ZBTB20: variants seen among roughly 807,000 people sequenced by gnomAD.
ZBTB20 encodes the protein zinc finger and BTB domain containing 20.
ZBTB20 carries 9 observed loss-of-function variants against 56.9 expected under a neutral mutation model. That is an observed-to-expected ratio of 0.16 (90% CI 0.10 to 0.28). The LOEUF is 0.28. Ranked by LOEUF, ZBTB20 falls within the 10% of genes least tolerant of loss-of-function variation. The pLI is 1.00. For synonymous variants in ZBTB20, 417 were observed against 420.7 expected (o/e 0.99, Z 0.11); for missense variants, 655 against 1,003.0 (o/e 0.65, Z 4.69).
At chr3:115,074,765 A>G (rs2082534909) in intron 1 of ZBTB20, among the ~76,000 whole-genome samples, 1 of 152,112 alleles carries the variant, frequency 6.6e-6, no homozygotes, top group Non-Finnish European at 1.5e-5. Context: ...GTAGAATCCT[A>G]ACAGAGATTG....
chr3:114,452,550 G>A (rs1284471898), intron 7 of ZBTB20, among the ~76,000 whole-genome samples: 2 of 152,106 alleles, frequency 1.3e-5, no homozygotes, highest in African/African-American at 4.8e-5. Context: ...TTGTTATCAA[G>A]TTACTTCAAA....
At chr3:114,716,032 A>G (rs1389490511) in intron 5 of ZBTB20, among the ~76,000 whole-genome samples, 1 of 152,172 alleles carries the variant, frequency 6.6e-6, no homozygotes, top group Non-Finnish European at 1.5e-5. Flanking sequence ...CTGATAAACA[A>G]TTATGCTGTA....
intron 6 of ZBTB20, among the ~76,000 whole-genome samples, chr3:114,673,120 A>C (rs527526858): frequency 1.3e-5 from 2 of 152,274 alleles, no homozygotes; most frequent in South Asian, 4.1e-4. Flanking sequence ...TGCTCTCAAT[A>C]GTATCATTTT....
intron 4 of ZBTB20, among the ~76,000 whole-genome samples, chr3:114,821,093 A>C (rs1009251317): frequency 6.6e-6 from 1 of 152,142 alleles, no homozygotes. Context: ...GCGAATAACA[A>C]TGGATGGAAC....
chr3:114,574,935 T>C (rs1305267942), intron 6 of ZBTB20, among the ~76,000 whole-genome samples: 1 of 152,212 alleles, frequency 6.6e-6, no homozygotes, highest in African/African-American at 2.4e-5. Flanking sequence ...ACTTACGTTT[T>C]TATAAGTGGG....
intron 4 of ZBTB20, among the ~76,000 whole-genome samples, chr3:114,839,209 T>C (rs146810643): frequency 6.6e-6 from 1 of 152,160 alleles, no homozygotes; most frequent in African/African-American, 2.4e-5. Context: ...AAGACCAGCT[T>C]TGGCAATGTG....
In ZBTB20 at chr3:114,627,772, G is replaced by A. The variant is rs193158636; in HGVS notation, c.-295+65756C>T. Among the ~76,000 whole-genome samples the A allele has an allele frequency of 2.3e-3, 351 of 152,304 alleles. 1 individual carries two copies. Among genetic ancestry groups the A allele is most frequent in the African/African-American group, 7.3e-3 (303 of 41,576 alleles). On this transcript the variant is annotated intron_variant, in intron 6 of 11. Coordinates refer to ENST00000675478, the MANE Select transcript of ZBTB20 (RefSeq NM_001348800.3). ...ACAACCTTGACCAACAAGTCACAAT[G>A]ACAAATCATCCGTTTCCTCTTTTCT...
chr3:114,987,315 A>G (rs2078590309), intron 2 of ZBTB20, among the ~76,000 whole-genome samples: 1 of 152,122 alleles, frequency 6.6e-6, no homozygotes, highest in South Asian at 2.1e-4. Flanking sequence ...TTGAGGTCAT[A>G]AAATGCTTGA....
At chr3:114,352,017 C>T (rs777819801) in intron 10 of ZBTB20, 139 bp from the exon 11 acceptor site, 98 of 1,063,958 alleles carry the variant, frequency 9.2e-5, no homozygotes, top group Non-Finnish European at 1.2e-4. Flanking sequence ...GGGAGATGGA[C>T]AGGCTGCGGC....
chr3:114,663,397 A>C (rs1201624225), intron 6 of ZBTB20, among the ~76,000 whole-genome samples: 1 of 149,710 alleles, frequency 6.7e-6, no homozygotes, highest in African/African-American at 2.4e-5. Flanking sequence ...AGCGCTAAAC[A>C]TGGAAAGGAA....
At chr3:114,933,054 C>A (rs547665701) in intron 3 of ZBTB20, among the ~76,000 whole-genome samples, 2 of 152,130 alleles carry the variant, frequency 1.3e-5, no homozygotes, top group African/African-American at 4.8e-5. Context: ...CAGACCCCAG[C>A]CATTCTATAC....
chr3:114,472,601 C>T (rs540450257), intron 7 of ZBTB20, among the ~76,000 whole-genome samples: 91 of 151,964 alleles, frequency 6.0e-4, no homozygotes, highest in Non-Finnish European at 8.1e-4. Flanking sequence ...CTAGCTGCTT[C>T]GGAGGCTGAG....
At chr3:115,105,102 G>A (rs990990582) in intron 1 of ZBTB20, among the ~76,000 whole-genome samples, 3 of 152,080 alleles carry the variant, frequency 2.0e-5, no homozygotes, top group Non-Finnish European at 4.4e-5. Context: ...GCGTACCCTC[G>A]TCAAGTCATG....
intron 4 of ZBTB20, among the ~76,000 whole-genome samples, chr3:114,838,665 A>G (rs2074235074): frequency 6.6e-6 from 1 of 152,226 alleles, no homozygotes; most frequent in African/African-American, 2.4e-5. Context: ...ATGAAATCCT[A>G]GAATAGTAAT....
rs2078968620 is a variant in ZBTB20, at chr3:114,323,577, T to A, written c.*15428A>T. 6.6e-6 allele frequency: 1 copy of A among 152,248 alleles called. No individual in the cohort carries two copies. Among genetic ancestry groups the A allele is most frequent in the Non-Finnish European group, 1.5e-5 (1 of 68,052 alleles). 9.4% of individuals were successfully genotyped at this position (152,248 alleles called of 1,614,324 possible). ...AAATGTGCACAAGCAAGGGGCTTTG[T>A]GGAGGAGGCCAAGGCAAAGACTTCT... On this transcript the variant is annotated 3_prime_UTR_variant, in exon 12 of 12. Coordinates refer to ENST00000675478, the MANE Select transcript of ZBTB20 (RefSeq NM_001348800.3).
rs2065944950 is a variant in ZBTB20 at position 114,733,973 on chromosome 3, A to G, written c.-342-40398T>C. Among the ~76,000 whole-genome samples, 3 of 152,254 alleles carry G rather than the reference A, an allele frequency of 2.0e-5. No homozygotes were observed. In the South Asian group the frequency reaches 6.2e-4, roughly 32 times the overall value. On this transcript the variant is annotated intron_variant, in intron 5 of 11. Transcript: ENST00000675478. ...AGTAGCTTTAGCTTTAGAAGAATAA[A>G]TGATTCACATATACCAAAACCCACA...
At position 114,886,223 on chromosome 3, in the gene ZBTB20, T is replaced by C. The variant is rs79155049; in HGVS notation, c.-417+14081A>G. 9.8e-4 allele frequency among the ~76,000 whole-genome samples: 150 copies of C among 152,326 alleles called. 1 individual carries two copies. The East Asian group carries it at 0.022, about 23-fold the overall frequency. On this transcript the variant is annotated intron_variant, in intron 4 of 11. Coordinates refer to ENST00000675478, the MANE Select transcript of ZBTB20 (RefSeq NM_001348800.3). ...GCTGAGTTTAGTCCTGTGTCAGCCA[T>C]TTACTAGCTATTTAAAGTTAGAAAT... is the stretch of plus-strand genomic sequence containing the variant.
At chr3:115,091,570 G>T (rs915260452) in intron 1 of ZBTB20, among the ~76,000 whole-genome samples, 1 of 151,816 alleles carries the variant, frequency 6.6e-6, no homozygotes, top group African/African-American at 2.4e-5. Flanking sequence ...AAGATAAAAG[G>T]AAGAAGGTAA....
At chr3:114,918,270 C>G (rs1484259886) in intron 3 of ZBTB20, among the ~76,000 whole-genome samples, 1 of 152,124 alleles carries the variant, frequency 6.6e-6, no homozygotes, top group Non-Finnish European at 1.5e-5. Context: ...GAGCTCCCCT[C>G]TAGCCTAGGG....
Sources: gnomAD v4.1 joint callset for allele counts (sites outside exome capture counted in the v4.1 genomes callset) on GRCh38, gnomAD v4.1.1 for gene constraint, MANE v1.5 for transcripts, NCBI Gene and HGNC (gene_info 2026-07-23, HGNC 2026-07-21) for gene names.